Variants in PLTP observed in about 807,000 individuals in gnomAD.
The protein encoded by PLTP is BPI fold containing family E.
Under a neutral mutation model 54.1 loss-of-function variants are expected in PLTP, and 43 were observed. That is an observed-to-expected ratio of 0.79 (90% CI 0.62 to 1.02). The LOEUF (loss-of-function observed/expected upper bound fraction) is 1.02, where lower values mean the gene tolerates loss of function less well. Ranked by LOEUF, PLTP falls within the 50% of genes least tolerant of loss-of-function variation. The probability of loss-of-function intolerance (pLI) is 0.00; values close to 1 mark genes in which losing one functional copy is unlikely to be tolerated. For synonymous variants in PLTP, 263 were observed against 264.6 expected (o/e 0.99, Z 0.06); for missense variants, 604 against 645.9 (o/e 0.94, Z 0.70).
chr20:45,911,303 AC>A, intron 2 of PLTP, 49 bp downstream of exon 2: 1 of 1,611,970 alleles, frequency 6.2e-7, no homozygotes, highest in East Asian at 2.2e-5. Flanking sequence ...TGTTGGGGCG[AC>A]CCCAACCCCG....
intron 12 of PLTP, among the ~76,000 whole-genome samples, chr20:45,900,613 G>A (rs186672921): frequency 1.6e-3 from 248 of 152,040 alleles, no homozygotes; most frequent in African/African-American, 5.5e-3. Flanking sequence ...CTGTGGCTTT[G>A]ACCTCCAGGG....
chr20:45,909,199 G>C (rs549468762), intron 5 of PLTP, among the ~76,000 whole-genome samples: 1 of 152,238 alleles, frequency 6.6e-6, no homozygotes, highest in East Asian at 1.9e-4. Context: ...TGTTAACCTT[G>C]TGATCCGCCC....
chr20:45,906,321 A>T lies in PLTP; in HGVS notation c.652T>A (p.Ser218Thr). ...SVDELVGIDYSLMKDPVASTS... is the reference protein window; with the variant it reads ...SVDELVGIDYTLMKDPVASTS... Reference sequence around the variant, plus strand: ...GAAGCCACAGGATCCTTCATGAGGGAATAGTCAATGCCAACAAGCTCGTCC... The same window carrying T: ...GAAGCCACAGGATCCTTCATGAGGGTATAGTCAATGCCAACAAGCTCGTCC... Residue 218 changes from serine to threonine, a missense_variant, in exon 8 of 16, where the codon TCC becomes ACC. By Grantham distance (58) the Ser-to-Thr change is moderately conservative. Transcript: ENST00000372431. 9 of 1,614,112 alleles carry T rather than the reference A, an allele frequency of 5.6e-6. No individual in the cohort carries two copies. Among genetic ancestry groups the T allele is most frequent in the Non-Finnish European group, 6.8e-6 (8 of 1,179,982 alleles).
rs1568774092 is a variant in PLTP, at chr20:45,905,004, C to A, written c.820G>T (p.Asp274Tyr). The A allele has an allele frequency of 1.2e-6, 2 of 1,614,078 alleles. No individual in the cohort carries two copies. Among genetic ancestry groups the A allele is most frequent in the African/African-American group, 1.3e-5 (1 of 74,924 alleles). ...VYVAFSEFFF[D>Y]SAMESYFRAG... ...CGGAAGTAGCTCTCCATGGCAGAGT[C>A]GAAGAAGAACTCAGAGAAGGCCACA... is the stretch of plus-strand genomic sequence containing the variant. The change falls in exon 9 of 16, where the codon GAC (aspartate) becomes TAC (tyrosine). Residue 274 changes from aspartate to tyrosine, a missense_variant. By Grantham distance (160) the Asp-to-Tyr change is radical. Transcript: ENST00000372431.
rs564934365 is a variant in PLTP at position 45,911,083 on chromosome 20, A to T, written c.200+69T>A. 9.3e-6 allele frequency: 15 copies of T among 1,610,692 alleles called. No individual in the cohort carries two copies. The African/African-American group carries it at 1.9e-4, about 20-fold the overall frequency. ...CAGCCTCCAGTCTCCCGAGACCCTGAGATTTCTCGGGCCCCGCCTCCACCG... is the reference window on the plus strand; with the variant it reads ...CAGCCTCCAGTCTCCCGAGACCCTGTGATTTCTCGGGCCCCGCCTCCACCG... On this transcript the variant is annotated intron_variant, in intron 3 of 15. Transcript: ENST00000372431.
chr20:45,899,709 AGGGCAGTGAGTCAGGGTT>A, intron 13 of PLTP, 24 bp from the exon 14 acceptor site: 2 of 1,614,020 alleles, frequency 1.2e-6, no homozygotes, highest in Non-Finnish European at 1.7e-6. Context: ...GGGCGGAAAC[AGGGCAGTGAGTCAGGGTT>A]GGGTTTGCCT....
chr20:45,907,099 T>C (rs1475827767), intron 7 of PLTP, among the ~76,000 whole-genome samples: 2 of 104,500 alleles, frequency 1.9e-5, no homozygotes, highest in Admixed American at 1.1e-4. Flanking sequence ...GAGGCCAAGG[T>C]GGGCAGATCA....
Position 45,898,946 on chromosome 20 carries a change from C to G in PLTP, c.1477G>C (p.Val493Leu), listed in dbSNP as rs769425154. The G allele has an allele frequency of 6.8e-6, 11 of 1,614,004 alleles. No homozygotes were observed. In the South Asian group the frequency reaches 1.2e-4, roughly 18 times the overall value. The change falls in exon 16 of 16, where the codon GTC (valine) becomes CTC (leucine). Residue 493 changes from valine (V) to leucine (L), a missense_variant. Coordinates refer to ENST00000372431, the MANE Select transcript of PLTP (RefSeq NM_006227.4). The surrounding 1 kb of genome is among the most constrained non-coding windows in gnomAD (Gnocchi z 4.6). Reference sequence around the variant, plus strand: ...CCAGCTTGGGGATTGAGGGCTCAGACAGCTGCTGTGGACGGTGTGGGGGCA... The same window carrying G: ...CCAGCTTGGGGATTGAGGGCTCAGAGAGCTGCTGTGGACGGTGTGGGGGCA... ...STAPTPSTAA[V>L]
Position 45,899,531 on chromosome 20 carries a change from G to A in PLTP, c.1290C>T (p.Thr430=). Residue 430 remains threonine, a synonymous_variant, in exon 15 of 16, where the codon ACC becomes ACT. Transcript: ENST00000372431. ...GTAGTGGGATCTGCACCCCACGCCA[G>A]GTCCGCTCTGTGGGTGGGAGCACCC... ...IGVMPMLNER[T]WRGVQIPLPE... is the part of the protein sequence containing the mutation. The A allele has an allele frequency of 6.2e-7, 1 of 1,614,192 alleles. No individual in the cohort carries two copies. The highest frequency in any genetic ancestry group is 8.5e-7 in the Non-Finnish European group (1 of 1,180,030).
At chr20:45,910,823 C>T (rs993259192) in intron 3 of PLTP, 1 of 1,245,598 alleles carries the variant, frequency 8.0e-7, no homozygotes, top group East Asian at 4.6e-5. Flanking sequence ...AACTCCACCC[C>T]GTGCCCGAGA....
rs11569646 is a variant in PLTP, at chr20:45,906,223, T to C, written c.705+45A>G. 4,206 of 1,313,816 alleles carry C rather than the reference T, an allele frequency of 3.2e-3. 113 individuals carry two copies. The African/African-American group carries it at 0.054, about 17-fold the overall frequency. The allele number at this position is 1,313,816 out of a possible 1,614,324, so 81.4% of individuals were successfully genotyped here. The stretch of plus-strand genomic sequence containing the variant: ...TCTTGCAACTTAGCAGAGAAAGAGG[T>C]CTTGTTAGGAAGTCAGAGGTCATAC... On this transcript the variant is annotated intron_variant, in intron 8 of 15. Transcript: ENST00000372431.
intron 5 of PLTP, among the ~76,000 whole-genome samples, chr20:45,909,155 G>T (rs1215943913): frequency 6.6e-6 from 1 of 151,888 alleles, no homozygotes; most frequent in African/African-American, 2.4e-5. Context: ...AGTAGAGATG[G>T]GGTTTCACCA....
chr20:45,900,898 C>T (rs1339470225), intron 12 of PLTP, among the ~76,000 whole-genome samples: 1 of 152,148 alleles, frequency 6.6e-6, no homozygotes, highest in East Asian at 1.9e-4. Flanking sequence ...GTCCTCAAAA[C>T]AAGCCCAAGG....
chr20:45,911,634 A>C (rs1314480683), intron 1 of PLTP, 171 bp from the exon 2 acceptor site: 2 of 865,322 alleles, frequency 2.3e-6, no homozygotes, highest in Non-Finnish European at 3.5e-6. Context: ...TGAGGCTCAG[A>C]GAGGCGATGC....
At chr20:45,903,818 G>A (rs1220993313) in intron 10 of PLTP, among the ~76,000 whole-genome samples, 1 of 152,048 alleles carries the variant, frequency 6.6e-6, no homozygotes, top group African/African-American at 2.4e-5. Context: ...CAGCCTGGGT[G>A]ACAGAGTGAG....
At chr20:45,907,963 C>T (rs563715851) in intron 5 of PLTP, 59 bp from the exon 6 acceptor site, 3 of 1,409,442 alleles carry the variant, frequency 2.1e-6, no homozygotes, top group South Asian at 1.2e-5. Flanking sequence ...AGTCCAGGTC[C>T]AGGAGAAATC....
intron 7 of PLTP, 30 bp from the exon 8 acceptor site, chr20:45,906,389 C>G (rs750703371): frequency 4.5e-6 from 7 of 1,565,716 alleles, no homozygotes; most frequent in Non-Finnish European, 6.1e-6. Context: ...TCACTCACGG[C>G]TGTGTGATGT....
chr20:45,903,208 TCTC>T (rs2083203730), intron 10 of PLTP, among the ~76,000 whole-genome samples: 1 of 151,222 alleles, frequency 6.6e-6, no homozygotes, highest in African/African-American at 2.4e-5. Flanking sequence ...TTGCTCTCTC[TCTC>T]CTTTTTTTTT....
intron 7 of PLTP, among the ~76,000 whole-genome samples, 198 bp downstream of exon 7, chr20:45,907,494 G>A (rs2083251358): frequency 6.6e-6 from 1 of 152,198 alleles, no homozygotes; most frequent in Admixed American, 6.5e-5. Flanking sequence ...GCAACCCCAG[G>A]AGGAGGCACT....
Sources: allele counts gnomAD v4.1 joint callset (sites outside exome capture counted in the v4.1 genomes callset), GRCh38; gene constraint gnomAD v4.1.1; non-coding constraint Gnocchi (gnomAD v3.1); transcripts MANE v1.5; gene names NCBI Gene and HGNC (gene_info 2026-07-23, HGNC 2026-07-21).